TOGARAM1: variants seen among roughly 807,000 people sequenced by gnomAD.
TOGARAM1 encodes the protein TOG array regulator of axonemal microtubules protein 1.
In TOGARAM1, 100 loss-of-function variants were observed where a neutral mutation model predicts 166.6. That is an observed-to-expected ratio of 0.60 (90% CI 0.51 to 0.71). TOGARAM1 has a LOEUF of 0.71. Ranked by LOEUF, TOGARAM1 falls within the 30% of genes least tolerant of loss-of-function variation. The pLI is 0.00. For synonymous variants in TOGARAM1, 758 were observed against 763.8 expected (o/e 0.99, Z 0.13); for missense variants, 2,029 against 2,102.7 (o/e 0.96, Z 0.69).
intron 19 of TOGARAM1, among the ~76,000 whole-genome samples, 193 bp downstream of exon 19, chr14:45,071,991 T>A (rs955659772): frequency 6.6e-6 from 1 of 151,992 alleles, no homozygotes; most frequent in Non-Finnish European, 1.5e-5. Context: ...AATTTTATCC[T>A]TTTTTTTCCA....
chr14:45,023,619 G>T (rs892581995), intron 7 of TOGARAM1, among the ~76,000 whole-genome samples: 1 of 152,140 alleles, frequency 6.6e-6, no homozygotes, highest in South Asian at 2.1e-4. Context: ...TCAGACCTGT[G>T]TAAGGACCCC....
In TOGARAM1 at chr14:44,963,000, A is replaced by G; in HGVS notation, c.579A>G (p.Pro193=). The G allele has an allele frequency of 6.2e-7, 1 of 1,614,204 alleles. No homozygotes were observed. Among genetic ancestry groups the G allele is most frequent in the Non-Finnish European group, 8.5e-7 (1 of 1,180,034 alleles). The change falls in exon 1 of 20, where the codon CCA becomes CCG. Residue 193 remains proline (P), a synonymous_variant. Coordinates refer to ENST00000361462, the MANE Select transcript of TOGARAM1 (RefSeq NM_001308120.2). ...TTGTCTCGTTACGGGAAGAGAATCC[A>G]GCCCTGCGGAAAGATGCGCTGCAGA... ...QLVVSLREEN[P]ALRKDALQIL... is the part of the protein sequence containing the mutation.
intron 1 of TOGARAM1, chr14:44,995,341 A>G (rs1463415820): frequency 1.2e-5 from 4 of 344,570 alleles, no homozygotes; most frequent in South Asian, 2.4e-5. Context: ...CAGTAAGAAC[A>G]GTGTAGTAGA....
chr14:45,051,395 G>C (rs1394107083), intron 14 of TOGARAM1, among the ~76,000 whole-genome samples: 2 of 152,120 alleles, frequency 1.3e-5, no homozygotes, highest in Admixed American at 6.5e-5. Context: ...GCCCAGGATG[G>C]AGGAAAACTT....
intron 14 of TOGARAM1, among the ~76,000 whole-genome samples, chr14:45,048,314 C>CAAAAA (rs1165258521): frequency 2.7e-4 from 12 of 43,698 alleles, no homozygotes; most frequent in African/African-American, 2.9e-4. Flanking sequence ...GACTCCATCT[C>CAAAAA]AAAAAAAAAA....
intron 1 of TOGARAM1, among the ~76,000 whole-genome samples, chr14:44,993,509 T>G (rs1887252428): frequency 6.6e-6 from 1 of 152,222 alleles, no homozygotes; most frequent in South Asian, 2.1e-4. Flanking sequence ...GTGCTTTAAA[T>G]AGACTGCTTC....
At chr14:45,067,326 A>G (rs1201935017) in intron 17 of TOGARAM1, among the ~76,000 whole-genome samples, 1 of 152,130 alleles carries the variant, frequency 6.6e-6, no homozygotes, top group East Asian at 1.9e-4. Flanking sequence ...TAATCAATAC[A>G]TATTTTTAAA....
intron 7 of TOGARAM1, among the ~76,000 whole-genome samples, chr14:45,020,076 A>G (rs1880406448): frequency 6.6e-6 from 1 of 152,132 alleles, no homozygotes. Flanking sequence ...GAAGAGACCA[A>G]TTTAATAAGG....
chr14:44,974,739 T>C (rs1388040839), intron 1 of TOGARAM1, among the ~76,000 whole-genome samples: 1 of 152,004 alleles, frequency 6.6e-6, no homozygotes, highest in Non-Finnish European at 1.5e-5. Context: ...AAGAGAATTC[T>C]TGATGCCTTT....
chr14:45,040,291 T>G (rs1881662699), intron 11 of TOGARAM1, among the ~76,000 whole-genome samples: 1 of 152,288 alleles, frequency 6.6e-6, no homozygotes, highest in Non-Finnish European at 1.5e-5. Context: ...CATCAAAATT[T>G]ATGGGATGTA....
At chr14:44,980,694 G>A (rs1444716651) in intron 1 of TOGARAM1, among the ~76,000 whole-genome samples, 1 of 152,082 alleles carries the variant, frequency 6.6e-6, no homozygotes, top group African/African-American at 2.4e-5. Flanking sequence ...CCTGCCAAAA[G>A]TAGTAGTGGG....
Position 44,962,814 on chromosome 14 carries a change from A to G in TOGARAM1, c.393A>G (p.Arg131=). Residue 131 remains arginine, a synonymous_variant, in exon 1 of 20, where the codon CGA becomes CGG. Transcript: ENST00000361462. ...PRRGGRLGFP[R]RKEALYRALG... is the part of the protein sequence containing the mutation. ...GGGGCGGTCGACTTGGCTTCCCCCG[A>G]CGCAAGGAAGCTTTGTATCGGGCAC... The G allele has an allele frequency of 6.2e-7, 1 of 1,612,676 alleles. No homozygotes were observed. Among genetic ancestry groups the G allele is most frequent in the Non-Finnish European group, 8.5e-7 (1 of 1,179,988 alleles).
At chr14:44,989,605 T>TTG (rs890289497) in intron 1 of TOGARAM1, among the ~76,000 whole-genome samples, 2 of 152,096 alleles carry the variant, frequency 1.3e-5, no homozygotes, top group African/African-American at 4.8e-5. Context: ...AATCAGCATT[T>TTG]TGTTCAAAAC....
intron 17 of TOGARAM1, among the ~76,000 whole-genome samples, chr14:45,067,548 AATTT>A (rs1257603206): frequency 2.0e-5 from 3 of 152,142 alleles, no homozygotes; most frequent in Non-Finnish European, 2.9e-5. Flanking sequence ...TTCTATTAAT[AATTT>A]ATTAATTAAA....
chr14:44,985,971 A>G (rs576442976), intron 1 of TOGARAM1, among the ~76,000 whole-genome samples: 1 of 152,338 alleles, frequency 6.6e-6, no homozygotes, highest in African/African-American at 2.4e-5. Flanking sequence ...TGATATATTA[A>G]GCATTATAAG....
Position 44,962,427 on chromosome 14 carries a change from G to A in TOGARAM1, c.6G>A (p.Ala2=). ...CCACCACCTGACAACCCTGCATGGC[G>A]GCTGCCCCCTCCGCGCTGCTTCTGC... M[A]AAPSALLLLP... The change falls in exon 1 of 20, where the codon GCG becomes GCA. Residue 2 remains alanine, a synonymous_variant. Coordinates refer to ENST00000361462, the MANE Select transcript of TOGARAM1 (RefSeq NM_001308120.2). 1.3e-6 allele frequency: 2 copies of A among 1,558,718 alleles called. No homozygotes were observed. The highest frequency in any genetic ancestry group is 8.7e-7 in the Non-Finnish European group (1 of 1,154,496).
intron 14 of TOGARAM1, among the ~76,000 whole-genome samples, chr14:45,051,622 T>C (rs1209693192): frequency 6.8e-6 from 1 of 146,908 alleles, no homozygotes; most frequent in African/African-American, 2.6e-5. Flanking sequence ...TGCAATGGTG[T>C]GATCTCGGCT....
Position 45,004,071 on chromosome 14 carries a change from C to A in TOGARAM1, c.2349C>A (p.Ser783Arg), listed in dbSNP as rs752810415. Residue 783 changes from serine (S) to arginine (R), a missense_variant, in exon 4 of 20, where the codon AGC (serine) becomes AGA (arginine). By Grantham distance (110) the Ser-to-Arg change is moderately radical. Around this residue, in one of 2 missense-constraint regions of TOGARAM1, gnomAD observed 1,453 missense variants for 1,432.2 expected, o/e 1.01. Coordinates refer to ENST00000361462, the MANE Select transcript of TOGARAM1 (RefSeq NM_001308120.2). ...TSSHQEKVYA[S>R]LNFGSKTQQT... is the part of the protein sequence containing the mutation. ...TTTGTTTTATTACAGTGTATGCTAG[C>A]CTCAATTTTGGCAGTAAGACACAGC... 1.2e-6 allele frequency: 2 copies of A among 1,613,608 alleles called. No homozygotes were observed. Among genetic ancestry groups the A allele is most frequent in the Non-Finnish European group, 1.7e-6 (2 of 1,179,770 alleles).
intron 1 of TOGARAM1, among the ~76,000 whole-genome samples, chr14:44,965,394 C>T (rs990738320): frequency 2.0e-4 from 30 of 152,014 alleles, no homozygotes; most frequent in Non-Finnish European, 1.9e-4. Flanking sequence ...GGTTAATGTC[C>T]CTTGTAATTT....
Sources: allele counts gnomAD v4.1 joint callset (sites outside exome capture counted in the v4.1 genomes callset), GRCh38; gene constraint gnomAD v4.1.1; regional missense constraint gnomAD v4.1.1; transcripts MANE v1.5; gene names NCBI Gene and HGNC (gene_info 2026-07-23, HGNC 2026-07-21).